CHST11: variants seen among roughly 807,000 people sequenced by gnomAD.
The protein encoded by CHST11 is carbohydrate sulfotransferase 11.
CHST11 carries 9 observed loss-of-function variants against 30.4 expected under a neutral mutation model. That is an observed-to-expected ratio of 0.30 (90% CI 0.18 to 0.52). CHST11 has a LOEUF of 0.52. Ranked by LOEUF, CHST11 falls within the 20% of genes least tolerant of loss-of-function variation. The probability of loss-of-function intolerance (pLI) is 0.97; values close to 1 mark genes in which losing one functional copy is unlikely to be tolerated. For missense variants in CHST11, 348 were observed against 460.6 expected, an observed-to-expected ratio of 0.76 and a Z score of 2.24; for synonymous variants, 152 against 187.8, an observed-to-expected ratio of 0.81 and a Z score of 1.56.
chr12:104,750,427 ACTTTTT>A (rs1566064672), intron 2 of CHST11, among the ~76,000 whole-genome samples: 1 of 38,728 alleles, frequency 2.6e-5, no homozygotes, highest in African/African-American at 1.0e-4. Flanking sequence ...ATATTTCTGC[ACTTTTT>A]TTTTTTTTTT....
At chr12:104,719,524 C>G (rs2040157126) in intron 2 of CHST11, among the ~76,000 whole-genome samples, 1 of 152,190 alleles carries the variant, frequency 6.6e-6, no homozygotes, top group Non-Finnish European at 1.5e-5. Context: ...GGCTTCCTGC[C>G]ATTAATTGGA....
At position 104,761,464 on chromosome 12, in the gene CHST11, TACACAC is replaced by T. The variant is rs140486952; in HGVS notation, c.*3693_*3698del. ...CTTGCTTTCCTAGCCAGTCCTCCCC[TACACAC>T]ACACACACACACACACACACACACA... is the stretch of plus-strand genomic sequence containing the variant. On this transcript the variant is annotated 3_prime_UTR_variant, in exon 3 of 3. Transcript: ENST00000303694. 59,338 of 142,752 alleles carry T rather than the reference TACACAC, an allele frequency of 0.42. 12,829 individuals are homozygous for T. Among genetic ancestry groups the T allele is most frequent in the Middle Eastern group, 0.53 (151 of 284 alleles). 8.8% of individuals were successfully genotyped at this position (142,752 alleles called of 1,614,324 possible).
chr12:104,655,498 G>A (rs1001758931), intron 2 of CHST11, among the ~76,000 whole-genome samples: 1 of 152,194 alleles, frequency 6.6e-6, no homozygotes, highest in Admixed American at 6.5e-5. Context: ...TTTGGGAGCA[G>A]GAGTCCTGGG....
At chr12:104,466,060 A>G (rs377566357) in intron 1 of CHST11, among the ~76,000 whole-genome samples, 9 of 151,914 alleles carry the variant, frequency 5.9e-5, no homozygotes, top group East Asian at 3.9e-4. Context: ...GGGTTTCACC[A>G]TGTTGGCCAG....
At chr12:104,503,907 G>T (rs935184988) in intron 1 of CHST11, among the ~76,000 whole-genome samples, 5 of 152,228 alleles carry the variant, frequency 3.3e-5, no homozygotes, top group Admixed American at 1.3e-4. Context: ...AGGAAAAAAA[G>T]TCATCAGGCA....
chr12:104,713,613 C>T (rs1383452639), intron 2 of CHST11, among the ~76,000 whole-genome samples: 1 of 152,204 alleles, frequency 6.6e-6, no homozygotes, highest in African/African-American at 2.4e-5. Flanking sequence ...TCTGCACCTC[C>T]TCCCAAAGGA....
chr12:104,638,932 C>T (rs1423000272), intron 2 of CHST11, among the ~76,000 whole-genome samples: 1 of 152,190 alleles, frequency 6.6e-6, no homozygotes, highest in Non-Finnish European at 1.5e-5. Flanking sequence ...GCACAGATCC[C>T]AAAAGCTGCG....
At chr12:104,744,219 C>T (rs2040370897) in intron 2 of CHST11, among the ~76,000 whole-genome samples, 1 of 152,246 alleles carries the variant, frequency 6.6e-6, no homozygotes, top group Admixed American at 6.5e-5. Flanking sequence ...TACACTCCCA[C>T]CAACAGTGTA....
intron 2 of CHST11, among the ~76,000 whole-genome samples, chr12:104,737,774 C>T (rs1288342244): frequency 6.6e-6 from 1 of 152,080 alleles, no homozygotes; most frequent in Non-Finnish European, 1.5e-5. Context: ...CCCCACCAGG[C>T]AGTTTTGCAG....
intron 1 of CHST11, among the ~76,000 whole-genome samples, chr12:104,573,291 A>G (rs965367650): frequency 3.9e-5 from 6 of 152,198 alleles, no homozygotes; most frequent in African/African-American, 1.4e-4. Context: ...TGCCCAAGGT[A>G]AGTTATAGAT....
At chr12:104,571,622 C>G (rs2038626785) in intron 1 of CHST11, among the ~76,000 whole-genome samples, 1 of 152,186 alleles carries the variant, frequency 6.6e-6, no homozygotes, top group African/African-American at 2.4e-5. Context: ...AGTGGCAGCT[C>G]AGGTCTGATG....
At chr12:104,492,386 T>C (rs907315245) in intron 1 of CHST11, among the ~76,000 whole-genome samples, 1 of 152,226 alleles carries the variant, frequency 6.6e-6, no homozygotes, top group Non-Finnish European at 1.5e-5. Flanking sequence ...AAGGCATGTA[T>C]CACTCTCTGA....
chr12:104,644,180 C>T (rs369898424), intron 2 of CHST11, among the ~76,000 whole-genome samples: 4 of 152,220 alleles, frequency 2.6e-5, no homozygotes, highest in South Asian at 2.1e-4. Context: ...AAATCTCTGC[C>T]GCAGCCACCC....
At chr12:104,647,337 T>C (rs746713646) in intron 2 of CHST11, among the ~76,000 whole-genome samples, 3 of 152,234 alleles carry the variant, frequency 2.0e-5, no homozygotes, top group Non-Finnish European at 4.4e-5. Flanking sequence ...CACTTGCCTT[T>C]GATATAAAAT....
At chr12:104,649,711 A>G (rs2039473379) in intron 2 of CHST11, among the ~76,000 whole-genome samples, 1 of 152,262 alleles carries the variant, frequency 6.6e-6, no homozygotes, top group Non-Finnish European at 1.5e-5. Flanking sequence ...ACAACTGCCC[A>G]GGAGTCAGAG....
At chr12:104,505,892 G>T (rs2037899955) in intron 1 of CHST11, among the ~76,000 whole-genome samples, 1 of 152,186 alleles carries the variant, frequency 6.6e-6, no homozygotes, top group African/African-American at 2.4e-5. Flanking sequence ...GTGATTGAAA[G>T]CATTATCTCT....
chr12:104,712,426 C>T (rs1296990108), intron 2 of CHST11, among the ~76,000 whole-genome samples: 1 of 152,150 alleles, frequency 6.6e-6, no homozygotes, highest in African/African-American at 2.4e-5. Flanking sequence ...GCCGCCCCTT[C>T]TTGTACAACC....
rs141546585 is a variant in CHST11, at chr12:104,560,443, GTC to G, written c.119-41461_119-41460del. Among the ~76,000 whole-genome samples the G allele has an allele frequency of 3.2e-3, 486 of 152,262 alleles. 2 individuals are homozygous for G. Among genetic ancestry groups the G allele is most frequent in the African/African-American group, 0.011 (472 of 41,542 alleles). On this transcript the variant is annotated intron_variant, in intron 1 of 2. Transcript: ENST00000303694. Reference sequence around the variant, plus strand: ...GTTCATGGTACCTTCTAGGAATTCAGTCTTTGATGGGGTGAATTTGATGTGTG... The same window carrying G: ...GTTCATGGTACCTTCTAGGAATTCAGTTTGATGGGGTGAATTTGATGTGTG...
rs77729652 is a variant in CHST11, at chr12:104,568,575, A to C, written c.119-33331A>C. On this transcript the variant is annotated intron_variant, in intron 1 of 2. Transcript: ENST00000303694. ...GGCATCTTGGCATTTTACAAATGTGATCATGGGAGCTGCTGATGGGACCTC... is the reference window on the plus strand; with the variant it reads ...GGCATCTTGGCATTTTACAAATGTGCTCATGGGAGCTGCTGATGGGACCTC... Among the ~76,000 whole-genome samples the C allele has an allele frequency of 5.3e-3, 814 of 152,270 alleles. 11 individuals carry two copies. The highest frequency in any genetic ancestry group is 0.018 in the African/African-American group (767 of 41,556).
Sources: allele counts gnomAD v4.1 joint callset (sites outside exome capture counted in the v4.1 genomes callset), GRCh38; gene constraint gnomAD v4.1.1; transcripts MANE v1.5; gene names NCBI Gene and HGNC (gene_info 2026-07-23, HGNC 2026-07-21).